TTN: variants seen among roughly 807,000 people sequenced by gnomAD.
TTN encodes the protein titin.
Under a neutral mutation model 3,223.0 loss-of-function variants are expected in TTN, and 1,525 were observed. The observed-to-expected ratio is 0.47, with a 90% confidence interval of 0.45 to 0.49. The LOEUF is 0.49. Ranked by LOEUF, TTN falls within the 20% of genes least tolerant of loss-of-function variation. The pLI is 0.00. For missense variants in TTN, 40,786 were observed against 43,424.0 expected (o/e 0.94, Z 5.40); for synonymous variants, 14,094 against 15,161.0 (o/e 0.93, Z 5.17).
chr2:178,630,988 AAT>A, intron 237 of TTN, 44 bp downstream of exon 237: 4 of 1,611,480 alleles, frequency 2.5e-6, no homozygotes, highest in Non-Finnish European at 2.5e-6. Context: ...CTCTGGCACA[AAT>A]AACCCCAATG....
Position 178,547,906 on chromosome 2 carries a change from A to G in TTN, c.93720T>C (p.Ser31240=), listed in dbSNP as rs1697871694. The part of the protein sequence containing the change: ...GSPFTIDVPI[S]GRPAPKVTWK... ...ATGTTACTTTGGGGGCAGGACGACC[A>G]CTGATTGGTACGTCAATGGTAAATG... is the stretch of plus-strand genomic sequence containing the variant. The change falls in exon 339 of 363, where the codon AGT becomes AGC. Residue 31240 remains serine, a synonymous_variant. Coordinates refer to ENST00000589042, the MANE Select transcript of TTN (RefSeq NM_001267550.2). 6.2e-7 allele frequency: 1 copy of G among 1,613,696 alleles called. No homozygotes were observed.
chr2:178,533,167 A>T lies in TTN; in HGVS notation c.103448T>A (p.Met34483Lys). The change falls in exon 358 of 363, where the codon ATG becomes AAG. Residue 34483 changes from methionine (M) to lysine (K), a missense_variant. Met to Lys is a moderately conservative substitution (Grantham distance 95). Transcript: ENST00000589042. ...VQKQIDKTLR[M>K]AEILSGTESV... ...TTCAGTTCCAGAAAGAATTTCAGCCATTCTGAGGGTTTTGTCAATTTGTTT... is the reference window on the plus strand; with the variant it reads ...TTCAGTTCCAGAAAGAATTTCAGCCTTTCTGAGGGTTTTGTCAATTTGTTT... 9 of 1,613,964 alleles carry T rather than the reference A, an allele frequency of 5.6e-6. No homozygotes were observed. The highest frequency in any genetic ancestry group is 7.6e-6 in the Non-Finnish European group (9 of 1,179,868).
rs372384261 is a variant in TTN at position 178,784,052 on chromosome 2, G to T, written c.2775+18C>A. On this transcript the variant is annotated intron_variant, in intron 16 of 362. Coordinates refer to ENST00000589042, the MANE Select transcript of TTN (RefSeq NM_001267550.2). ...CAATGGGAGTGGACCATGTAACAGC[G>T]GGTAACCAGTGACCAACCTTGGCTT... is the stretch of plus-strand genomic sequence containing the variant. 6.2e-7 allele frequency: 1 copy of T among 1,612,058 alleles called. No individual in the cohort carries two copies. Among genetic ancestry groups the T allele is most frequent in the South Asian group, 1.1e-5 (1 of 90,988 alleles).
At chr2:178,780,990 C>T (rs2092713997) in intron 21 of TTN, 131 bp downstream of exon 21, 3 of 1,207,666 alleles carry the variant, frequency 2.5e-6, no homozygotes, top group Admixed American at 3.8e-5. Flanking sequence ...TTCCATACAA[C>T]TGAGGCAAAG....
chr2:178,678,335 G>GTAA (rs1469076024), intron 144 of TTN, 79 bp downstream of exon 144: 1 of 1,500,320 alleles, frequency 6.7e-7, no homozygotes, highest in East Asian at 2.4e-5. Context: ...AATGTACAAT[G>GTAA]TAATGGGGAA....
chr2:178,589,623 A>T lies in TTN; in HGVS notation c.62102T>A (p.Leu20701Gln), dbSNP rs1383995916. Residue 20701 changes from leucine to glutamine, a missense_variant, in exon 304 of 363, where the codon CTG becomes CAG. Leu to Gln is a moderately radical substitution (Grantham distance 113). Coordinates refer to ENST00000589042, the MANE Select transcript of TTN (RefSeq NM_001267550.2). ...AAGCCTTCTCTCAACATGATATGAC[A>T]GATTTGGACTGCCACCATCATAGTC... ...RPDYDGGSPN[L>Q]SYHVERRLKG... The T allele has an allele frequency of 6.2e-7, 1 of 1,613,200 alleles. No individual in the cohort carries two copies. Among genetic ancestry groups the T allele is most frequent in the Non-Finnish European group, 8.5e-7 (1 of 1,179,492 alleles).
intron 294 of TTN, among the ~76,000 whole-genome samples, chr2:178,596,701 A>G (rs1231953407): frequency 6.6e-6 from 1 of 152,062 alleles, no homozygotes; most frequent in Non-Finnish European, 1.5e-5. Context: ...TTAATGAAAT[A>G]TTTTTCCTTA....
In TTN at chr2:178,574,456, T is replaced by A. The variant is rs1192063005; in HGVS notation, c.71676A>T (p.Thr23892=). 4 of 1,613,548 alleles carry A rather than the reference T, an allele frequency of 2.5e-6. No individual in the cohort carries two copies. Among genetic ancestry groups the A allele is most frequent in the Admixed American group, 1.7e-5 (1 of 60,000 alleles). The change falls in exon 326 of 363, where the codon ACA becomes ACT. Residue 23892 remains threonine, a synonymous_variant. Transcript: ENST00000589042. The part of the protein sequence containing the change: ...PGNIFKSSGL[T]DGIAYEFRVI... ...CCCGGAACTCATAAGCAATACCATC[T>A]GTAAGTCCACTTGATTTGAAAATGT...
Position 178,722,343 on chromosome 2 carries a change from C to G in TTN, c.22444G>C (p.Asp7482His). The G allele has an allele frequency of 6.2e-7, 1 of 1,613,136 alleles. No individual in the cohort carries two copies. Among genetic ancestry groups the G allele is most frequent in the African/African-American group, 1.3e-5 (1 of 74,984 alleles). ...GAGTACTGGCCAGAGTGACTCAAGT[C>G]AGTTTGCAAAATTTTTAAAGTTGCC... The part of the protein sequence containing the change: ...NVATLKILQT[D>H]LSHSGQYSCS... The change falls in exon 77 of 363, where the codon GAC becomes CAC. Residue 7482 changes from aspartate to histidine, a missense_variant. Asp to His is a moderately conservative substitution (Grantham distance 81). Transcript: ENST00000589042.
rs1422086577 is a variant in TTN, at chr2:178,528,640, A to G, written c.107111T>C (p.Phe35704Ser). The G allele has an allele frequency of 1.9e-6, 3 of 1,612,942 alleles. No homozygotes were observed. The highest frequency in any genetic ancestry group is 2.5e-6 in the Non-Finnish European group (3 of 1,179,392). ...LSKELSDAPA[F>S]ISQPRSQNIN... Reference sequence around the variant, plus strand: ...ATTTTGAGATCTAGGCTGTGAGATGAAGGCTGGAGCATCTGAGAGTTCTTT... The same window carrying G: ...ATTTTGAGATCTAGGCTGTGAGATGGAGGCTGGAGCATCTGAGAGTTCTTT... The change falls in exon 360 of 363, where the codon TTC (phenylalanine) becomes TCC (serine). Residue 35704 changes from phenylalanine to serine, a missense_variant. Coordinates refer to ENST00000589042, the MANE Select transcript of TTN (RefSeq NM_001267550.2).
Position 178,589,174 on chromosome 2 carries a change from C to G in TTN, c.62551G>C (p.Gly20851Arg). Residue 20851 changes from glycine (G) to arginine (R), a missense_variant, in exon 304 of 363, where the codon GGC (glycine) becomes CGC (arginine). By Grantham distance (125) the Gly-to-Arg change is moderately radical. Coordinates refer to ENST00000589042, the MANE Select transcript of TTN (RefSeq NM_001267550.2). ...ACAGTGGCATAGGCCACAAAACTGCCAGCCGTGTTAGTTGCCGTAACTACA... is the reference window on the plus strand; with the variant it reads ...ACAGTGGCATAGGCCACAAAACTGCGAGCCGTGTTAGTTGCCGTAACTACA... ...KYVVTATNTAGSFVAYATVNV... is the reference protein window; with the variant it reads ...KYVVTATNTARSFVAYATVNV... 6.2e-7 allele frequency: 1 copy of G among 1,613,480 alleles called. No homozygotes were observed. Among genetic ancestry groups the G allele is most frequent in the Non-Finnish European group, 8.5e-7 (1 of 1,179,644 alleles).
At chr2:178,789,631 C>T (rs900004255) in intron 12 of TTN, 134 bp from the exon 13 acceptor site, 44 of 1,230,858 alleles carry the variant, frequency 3.6e-5, no homozygotes, top group African/African-American at 1.5e-4. Context: ...AAACTTTCAC[C>T]GGCAATGTCT....
chr2:178,575,153 C>T lies in TTN; in HGVS notation c.70979G>A (p.Arg23660Gln), dbSNP rs570979108. 39 of 1,612,608 alleles carry T rather than the reference C, an allele frequency of 2.4e-5. No homozygotes were observed. Among genetic ancestry groups the T allele is most frequent in the East Asian group, 1.3e-4 (6 of 44,598 alleles). The change falls in exon 326 of 363, where the codon CGA becomes CAA. Residue 23660 changes from arginine (R) to glutamine (Q), a missense_variant. Transcript: ENST00000589042. The surrounding 1 kb of genome is among the most constrained non-coding windows in gnomAD (Gnocchi z 4.0). ...TTTCCATGTCACTGTGGGCTTCGGT[C>T]GACCGAGCACTGGAATTTCAACTTT... is the stretch of plus-strand genomic sequence containing the variant. ...NIKVEIPVLG[R>Q]PKPTVTWKKG...
At chr2:178,779,558 G>A (rs1554013171) in intron 22 of TTN, 96 bp from the exon 23 acceptor site, 1 of 838,686 alleles carries the variant, frequency 1.2e-6, no homozygotes, top group Non-Finnish European at 1.9e-6. Flanking sequence ...GAAGTTTTTA[G>A]CTGGGAGAAG....
In TTN at chr2:178,576,264, C is replaced by T; in HGVS notation, c.69868G>A (p.Asp23290Asn). The T allele has an allele frequency of 6.2e-7, 1 of 1,610,446 alleles. No individual in the cohort carries two copies. The highest frequency in any genetic ancestry group is 8.5e-7 in the Non-Finnish European group (1 of 1,178,510). The change falls in exon 326 of 363, where the codon GAT (aspartate) becomes AAT (asparagine). Residue 23290 changes from aspartate (D) to asparagine (N), a missense_variant. Coordinates refer to ENST00000589042, the MANE Select transcript of TTN (RefSeq NM_001267550.2). The surrounding 1 kb of genome is among the most constrained non-coding windows in gnomAD (Gnocchi z 4.3). ...QKVGDEAWIK[D>N]TTGTALRITQ... Reference sequence around the variant, plus strand: ...ATTCTGAGGGCGGTTCCTGTGGTATCTTTTATCCAGGCCTCGTCTCCTACT... The same window carrying T: ...ATTCTGAGGGCGGTTCCTGTGGTATTTTTTATCCAGGCCTCGTCTCCTACT...
chr2:178,604,704 T>C lies in TTN; in HGVS notation c.54381+4A>G. On this transcript the variant is annotated splice_donor_region_variant and intron_variant, in intron 281 of 362. Transcript: ENST00000589042. ...TGTATAAGAAAATATTCAGAAGAGT[T>C]TACCCCATATCTTTTCTCTACAGCA... is the stretch of plus-strand genomic sequence containing the variant. 6.3e-7 allele frequency: 1 copy of C among 1,599,200 alleles called. No homozygotes were observed. Among genetic ancestry groups the C allele is most frequent in the Non-Finnish European group, 8.5e-7 (1 of 1,172,946 alleles).
chr2:178,719,563 G>A lies in TTN; in HGVS notation c.23929C>T (p.His7977Tyr). The change falls in exon 82 of 363, where the codon CAT becomes TAT. Residue 7977 changes from histidine (H) to tyrosine (Y), a missense_variant. Coordinates refer to ENST00000589042, the MANE Select transcript of TTN (RefSeq NM_001267550.2). The stretch of plus-strand genomic sequence containing the variant: ...ATCTCATTCTACTCACCAGAAACAT[G>A]GACGGATACAGTGCAGTTACTTTTG... The part of the protein sequence containing the change: ...VGKSNCTVSV[H>Y]VSDRIVPPSF... 6.2e-7 allele frequency: 1 copy of A among 1,604,512 alleles called. No individual in the cohort carries two copies. The highest frequency in any genetic ancestry group is 8.5e-7 in the Non-Finnish European group (1 of 1,173,330).
Position 178,730,736 on chromosome 2 carries a change from C to A in TTN, c.17797G>T (p.Gly5933Cys), listed in dbSNP as rs759141033. 12 of 1,611,222 alleles carry A rather than the reference C, an allele frequency of 7.4e-6. No homozygotes were observed. Among genetic ancestry groups the A allele is most frequent in the Admixed American group, 3.3e-5 (2 of 59,908 alleles). Reference protein sequence around the residue: ...KKLKKMDSIKGSFIDLECIVA... With the variant: ...KKLKKMDSIKCSFIDLECIVA... ...ATACATTCTAAATCAATGAAAGAACCTTTAATGCTGTCCATTTTCTTCAGC... is the reference window on the plus strand; with the variant it reads ...ATACATTCTAAATCAATGAAAGAACATTTAATGCTGTCCATTTTCTTCAGC... The change falls in exon 61 of 363, where the codon GGT becomes TGT. Residue 5933 changes from glycine (G) to cysteine (C), a missense_variant. Physicochemically the swap from Gly to Cys is radical, Grantham distance 159. Coordinates refer to ENST00000589042, the MANE Select transcript of TTN (RefSeq NM_001267550.2).
At chr2:178,752,095 A>G (rs898961116) in intron 47 of TTN, 193 of 1,525,314 alleles carry the variant, frequency 1.3e-4, no homozygotes, top group Middle Eastern at 5.4e-4. Context: ...AAAAGTTGAA[A>G]GTAAATAAAA....
Sources: allele counts gnomAD v4.1 joint callset (sites outside exome capture counted in the v4.1 genomes callset), GRCh38; gene constraint gnomAD v4.1.1; non-coding constraint Gnocchi (gnomAD v3.1); transcripts MANE v1.5; gene names NCBI Gene and HGNC (gene_info 2026-07-23, HGNC 2026-07-21).